SETX: variants seen among roughly 807,000 people sequenced by gnomAD.
The protein encoded by SETX is senataxin, also known as helicase senataxin.
SETX carries 90 observed loss-of-function variants against 227.2 expected under a neutral mutation model. The ratio of observed to expected loss-of-function variants is 0.40; its 90% confidence interval spans 0.33 to 0.47. SETX has a LOEUF of 0.47. Ranked by LOEUF, SETX falls within the 20% of genes least tolerant of loss-of-function variation. SETX has a pLI of 0.91. For missense variants in SETX, 3,052 were observed against 3,181.5 expected (o/e 0.96, Z 0.98); for synonymous variants, 1,210 against 1,113.2 (o/e 1.09, Z -1.73).
intron 6 of SETX, among the ~76,000 whole-genome samples, chr9:132,335,675 A>G (rs1390254396): frequency 6.6e-6 from 1 of 152,040 alleles, no homozygotes; most frequent in East Asian, 1.9e-4. Flanking sequence ...CTGAAAAAGG[A>G]GTATTAACAA....
At chr9:132,277,376 G>C (rs1843220732) in intron 21 of SETX, among the ~76,000 whole-genome samples, 1 of 152,126 alleles carries the variant, frequency 6.6e-6, no homozygotes, top group African/African-American at 2.4e-5. Flanking sequence ...TAACAAGTAT[G>C]ATTGGAAAGA....
rs1318142702 is a variant in SETX at position 132,347,794 on chromosome 9, G to A, written c.178-1323C>T. Among the ~76,000 whole-genome samples the A allele has an allele frequency of 2.0e-5, 3 of 151,972 alleles. No homozygotes were observed. The East Asian group carries it at 5.8e-4, about 29-fold the overall frequency. ...TAGTGCAGCTTGTGGTATAAAAGAC[G>A]CTGGATAGCTTCATAATTAGAAAAC... On this transcript the variant is annotated intron_variant, in intron 3 of 25. Coordinates refer to ENST00000224140, the MANE Select transcript of SETX (RefSeq NM_015046.7).
chr9:132,345,968 A>G (rs1848262400), intron 4 of SETX, among the ~76,000 whole-genome samples: 1 of 152,202 alleles, frequency 6.6e-6, no homozygotes. Context: ...GCAGTGGGCC[A>G]TGACTGCGCC....
intron 2 of SETX, among the ~76,000 whole-genome samples, chr9:132,352,839 G>A (rs1358348100): frequency 6.6e-6 from 1 of 152,094 alleles, no homozygotes; most frequent in African/African-American, 2.4e-5. Flanking sequence ...ATATTCCCTT[G>A]TTGATGACAT....
At position 132,346,500 on chromosome 9, in the gene SETX, G is replaced by A. The variant is rs202032589; in HGVS notation, c.178-29C>T. The A allele has an allele frequency of 1.1e-3, 1,618 of 1,487,252 alleles. 16 individuals are homozygous for A. The South Asian group carries it at 0.014, about 13-fold the overall frequency. The allele number at this position is 1,487,252 out of a possible 1,614,324, so 92.1% of individuals were successfully genotyped here. On this transcript the variant is annotated intron_variant, in intron 3 of 25. Coordinates refer to ENST00000224140, the MANE Select transcript of SETX (RefSeq NM_015046.7). ...GAGGAAAATAAAATGGGCAGTGTGCGTTATGTCTTATCATCAACAAAATAC... is the reference window on the plus strand; with the variant it reads ...GAGGAAAATAAAATGGGCAGTGTGCATTATGTCTTATCATCAACAAAATAC...
At chr9:132,333,420 C>A (rs13289655) in intron 7 of SETX, among the ~76,000 whole-genome samples, 2 of 60,876 alleles carry the variant, frequency 3.3e-5, no homozygotes, top group African/African-American at 6.9e-5. Flanking sequence ...TATATATACA[C>A]ACACACACAC....
rs947463263 is a variant in SETX, at chr9:132,263,319, ATCTG to A, written c.*916_*919del. On this transcript the variant is annotated 3_prime_UTR_variant, in exon 26 of 26. Coordinates refer to ENST00000224140, the MANE Select transcript of SETX (RefSeq NM_015046.7). ...CCAGGCTTTCTGGAAAACTAGTTAG[ATCTG>A]TCTGACAATCTGTAAGCTGAGGCGA... 16 of 152,330 alleles carry A rather than the reference ATCTG, an allele frequency of 1.1e-4. No individual in the cohort carries two copies. Among genetic ancestry groups the A allele is most frequent in the African/African-American group, 3.6e-4 (15 of 41,558 alleles). The allele number at this position is 152,330 out of a possible 1,614,324, so 9.4% of individuals were successfully genotyped here. A position where few individuals can be genotyped will look rare whatever the true frequency, so the allele number is the denominator to read the frequency against.
At chr9:132,320,899 C>T (rs1564529512) in intron 10 of SETX, among the ~76,000 whole-genome samples, 1 of 152,090 alleles carries the variant, frequency 6.6e-6, no homozygotes, top group Non-Finnish European at 1.5e-5. Context: ...CTCAGCAAGC[C>T]CAAGAACGTG....
At chr9:132,310,727 G>T (rs180989739) in intron 11 of SETX, among the ~76,000 whole-genome samples, 1 of 152,266 alleles carries the variant, frequency 6.6e-6, no homozygotes, top group East Asian at 1.9e-4. Flanking sequence ...AAGTGCACAG[G>T]TCCACTAATT....
intron 7 of SETX, 135 bp downstream of exon 7, chr9:132,334,473 A>G (rs1276056376): frequency 4.0e-6 from 4 of 989,766 alleles, no homozygotes; most frequent in Admixed American, 2.0e-5. Context: ...AACAAAATAA[A>G]AAGTCTGAAT....
chr9:132,297,139 ATTTC>A, intron 13 of SETX, 85 bp from the exon 14 acceptor site: 4 of 1,128,054 alleles, frequency 3.5e-6, no homozygotes, highest in Non-Finnish European at 5.1e-6. Flanking sequence ...ACCTGTCCAA[ATTTC>A]TTTCAATGCA....
chr9:132,291,228 G>A (rs987946942), intron 15 of SETX, among the ~76,000 whole-genome samples: 6 of 137,382 alleles, frequency 4.4e-5, no homozygotes, highest in Non-Finnish European at 7.6e-5. Context: ...GTGCAATGGC[G>A]CAATCTCGGC....
intron 15 of SETX, among the ~76,000 whole-genome samples, chr9:132,289,197 G>A (rs867457257): frequency 1.6e-4 from 24 of 152,138 alleles, no homozygotes; most frequent in African/African-American, 5.8e-4. Flanking sequence ...TGTGCTCAAG[G>A]AGAAAGATAC....
chr9:132,353,219 C>T (rs11243737), intron 2 of SETX, among the ~76,000 whole-genome samples: 8,928 of 152,182 alleles, frequency 0.059, 376 homozygotes, highest in East Asian at 0.25. Flanking sequence ...TCTCTTTCCT[C>T]CACACTTACC....
upstream of SETX, among the ~76,000 whole-genome samples, chr9:132,355,987 C>CG (rs1490956268): frequency 1.1e-4 from 5 of 47,226 alleles, no homozygotes; most frequent in Admixed American, 2.7e-4. Flanking sequence ...ACTCTCTCTC[C>CG]GGAAAAAAAA....
chr9:132,264,155 A>G lies in SETX; in HGVS notation c.*84T>C. On this transcript the variant is annotated 3_prime_UTR_variant, in exon 26 of 26. Transcript: ENST00000224140. ...ACAGCACACAAACTCCTTACAAAAA[A>G]CAAGCTTATCTAGATGGTCCCACGA... 1 of 1,593,320 alleles carries G rather than the reference A, an allele frequency of 6.3e-7. No homozygotes were observed.
At chr9:132,322,090 C>T (rs76113514) in intron 10 of SETX, among the ~76,000 whole-genome samples, 1,912 of 152,254 alleles carry the variant, frequency 0.013, 53 homozygotes, top group African/African-American at 0.044. Context: ...TCACGTTTGC[C>T]TTCCAGAGTG....
intron 15 of SETX, among the ~76,000 whole-genome samples, chr9:132,292,415 CAAAAAAAAAAAA>C (rs60253119): frequency 1.3e-4 from 8 of 61,076 alleles, no homozygotes; most frequent in Non-Finnish European, 1.2e-4. Context: ...AGCTGGGGTA[CAAAAAAAAAAAA>C]AAAAAAAAAA....
chr9:132,299,749 T>C (rs1589675189), intron 12 of SETX, among the ~76,000 whole-genome samples: 3 of 152,088 alleles, frequency 2.0e-5, no homozygotes, highest in Non-Finnish European at 2.9e-5. Flanking sequence ...GCCTTGAAAA[T>C]AGGTTTACTT....
Sources: gnomAD v4.1 joint callset for allele counts (sites outside exome capture counted in the v4.1 genomes callset) on GRCh38, gnomAD v4.1.1 for gene constraint, MANE v1.5 for transcripts, NCBI Gene and HGNC (gene_info 2026-07-23, HGNC 2026-07-21) for gene names.